TENM2: variants seen among roughly 807,000 people sequenced by gnomAD.
TENM2 encodes the protein teneurin-2.
In TENM2, 52 loss-of-function variants were observed where a neutral mutation model predicts 245.2. The ratio of observed to expected loss-of-function variants is 0.21; its 90% confidence interval spans 0.17 to 0.27. The LOEUF is 0.27. Among genes scored for constraint, TENM2 ranks in the 10% least tolerant of loss-of-function variants. TENM2 has a pLI of 1.00. For synonymous variants in TENM2, 1,363 were observed against 1,438.9 expected, an observed-to-expected ratio of 0.95 and a Z score of 1.19; for missense variants, 3,046 against 3,666.8, an observed-to-expected ratio of 0.83 and a Z score of 4.37.
At chr5:167,773,230 C>A (rs1027081587) in intron 2 of TENM2, among the ~76,000 whole-genome samples, 3 of 152,152 alleles carry the variant, frequency 2.0e-5, no homozygotes, top group Non-Finnish European at 4.4e-5. Context: ...AATTGATGTT[C>A]TGCCTACTTG....
intron 12 of TENM2, among the ~76,000 whole-genome samples, chr5:168,150,055 C>A (rs1756502373): frequency 6.6e-6 from 1 of 152,186 alleles, no homozygotes; most frequent in African/African-American, 2.4e-5. Context: ...GGTCCCCTCC[C>A]CCTACATTTC....
chr5:167,000,957 G>T, the TENM2 span, among the ~76,000 whole-genome samples: 18 of 151,166 alleles, frequency 1.2e-4, no homozygotes, highest in African/African-American at 3.9e-4. Flanking sequence ...GTGGTTTTTT[G>T]TTGTTGTTGT....
At chr5:167,172,024 C>G in the TENM2 span, among the ~76,000 whole-genome samples, 1 of 152,136 alleles carries the variant, frequency 6.6e-6, no homozygotes, top group Non-Finnish European at 1.5e-5. Context: ...TTCTTGCCTC[C>G]CTTTTGATAG....
chr5:167,775,121 A>G (rs530144867), intron 2 of TENM2, among the ~76,000 whole-genome samples: 2 of 152,208 alleles, frequency 1.3e-5, no homozygotes, highest in East Asian at 3.9e-4. Context: ...GGCGTGCACC[A>G]CCACACCCAG....
chr5:167,913,073 A>G (rs908060248), intron 3 of TENM2, among the ~76,000 whole-genome samples: 13 of 152,244 alleles, frequency 8.5e-5, no homozygotes, highest in African/African-American at 3.1e-4. Flanking sequence ...GAGAAAAAAA[A>G]CTATGCAGCA....
At chr5:167,994,568 T>C (rs1318717686) in intron 5 of TENM2, among the ~76,000 whole-genome samples, 1 of 152,224 alleles carries the variant, frequency 6.6e-6, no homozygotes, top group Non-Finnish European at 1.5e-5. Flanking sequence ...TTTTTCAGCT[T>C]CTTCCACACT....
chr5:167,488,581 C>G (rs1252546824), intron 2 of TENM2, among the ~76,000 whole-genome samples: 1 of 152,118 alleles, frequency 6.6e-6, no homozygotes, highest in Non-Finnish European at 1.5e-5. Context: ...CTTTTCTTGT[C>G]TTTGACCTCT....
the TENM2 span, among the ~76,000 whole-genome samples, chr5:166,993,260 G>A: frequency 1.3e-5 from 2 of 152,050 alleles, no homozygotes; most frequent in African/African-American, 2.4e-5. Flanking sequence ...CTATTTTATG[G>A]ATATTTTGCA....
chr5:167,892,415 G>T (rs1774835411), intron 3 of TENM2, among the ~76,000 whole-genome samples: 2 of 152,122 alleles, frequency 1.3e-5, no homozygotes, highest in Non-Finnish European at 2.9e-5. Flanking sequence ...CTTTAACAGG[G>T]CCTCTAGGCA....
At chr5:167,569,718 A>T (rs550646868) in intron 2 of TENM2, among the ~76,000 whole-genome samples, 1 of 152,306 alleles carries the variant, frequency 6.6e-6, no homozygotes, top group African/African-American at 2.4e-5. Flanking sequence ...GAACTATTTC[A>T]TTATTGGGTA....
At chr5:168,181,772 G>A (rs1759919196) in intron 13 of TENM2, among the ~76,000 whole-genome samples, 1 of 145,356 alleles carries the variant, frequency 6.9e-6, no homozygotes, top group African/African-American at 2.6e-5. Context: ...CACCTCCCGA[G>A]TTCAAGCGAT....
chr5:168,246,850 C>T (rs748351264), exon 27 of TENM2: 22 of 1,613,922 alleles, frequency 1.4e-5, no homozygotes, highest in Non-Finnish European at 1.7e-5. Context: ...CAGCGTGGCC[C>T]GGCACAGCAT....
intron 2 of TENM2, among the ~76,000 whole-genome samples, chr5:167,567,435 G>A (rs770156175): frequency 7.2e-5 from 11 of 152,194 alleles, no homozygotes; most frequent in South Asian, 2.1e-4. Context: ...AACAAACCTC[G>A]TAGAAGAGAG....
At chr5:167,876,243 A>C (rs1773416622) in intron 3 of TENM2, 48 bp downstream of exon 5, 16 of 1,424,582 alleles carry the variant, frequency 1.1e-5, no homozygotes, top group Non-Finnish European at 1.5e-5. Flanking sequence ...CGTGAGTGAC[A>C]TTCTTGATTC....
chr5:167,068,954 G>T, the TENM2 span, among the ~76,000 whole-genome samples: 2 of 152,136 alleles, frequency 1.3e-5, no homozygotes, highest in Non-Finnish European at 2.9e-5. Context: ...AAAATAGCTT[G>T]AGTATTCTGA....
chr5:167,130,912 T>TTTA, the TENM2 span, among the ~76,000 whole-genome samples: 2 of 118,354 alleles, frequency 1.7e-5, no homozygotes, highest in African/African-American at 3.6e-5. Context: ...TTTTTTTTTT[T>TTTA]AAAAAAAAAA....
rs1210507799 is a variant in TENM2 at position 167,682,094 on chromosome 5, ATCCCTCCC to A, written c.503-193866_503-193859del. Among the ~76,000 whole-genome samples, 582 of 92,300 alleles carry A rather than the reference ATCCCTCCC, an allele frequency of 6.3e-3. 11 individuals are homozygous for A. The highest frequency in any genetic ancestry group is 0.052 in the East Asian group (202 of 3,876). 60.6% of individuals were successfully genotyped at this position (92,300 alleles called of 152,430 possible). A position where few individuals can be genotyped will look rare whatever the true frequency, so the allele number is the denominator to read the frequency against. ...CTTTCCTTCCTTCCTTCCTTCCTCCATCCCTCCCTCCCTCCCTCCCTCCCTCCCTCCCT... is the reference window on the plus strand; with the variant it reads ...CTTTCCTTCCTTCCTTCCTTCCTCCATCCCTCCCTCCCTCCCTCCCTCCCT... On this transcript the variant is annotated intron_variant, in intron 2 of 28. Coordinates refer to ENST00000518659, the Ensembl canonical transcript of TENM2.
At chr5:167,998,095 G>A (rs1280438492) in intron 5 of TENM2, among the ~76,000 whole-genome samples, 1 of 152,094 alleles carries the variant, frequency 6.6e-6, no homozygotes, top group Non-Finnish European at 1.5e-5. Flanking sequence ...GGAATTTTAG[G>A]ACACTTCATC....
exon 11 of TENM2, chr5:168,125,006 T>C (rs1255998646): frequency 5.0e-6 from 8 of 1,610,774 alleles, no homozygotes; most frequent in Non-Finnish European, 6.8e-6. Context: ...GACACGGGCC[T>C]CTGCAGCTGC....
Sources: allele counts gnomAD v4.1 joint callset (sites outside exome capture counted in the v4.1 genomes callset), GRCh38; gene constraint gnomAD v4.1.1; transcripts MANE v1.5; gene names NCBI Gene and HGNC (gene_info 2026-07-23, HGNC 2026-07-21).